The following ANKIB1 variants were observed in gnomAD, a reference collection of about 807,000 sequenced individuals.
The protein encoded by ANKIB1 is ankyrin repeat and IBR domain-containing protein 1.
A neutral mutation model predicts 122.1 loss-of-function variants in ANKIB1; 43 were observed. That is an observed-to-expected ratio of 0.35 (90% confidence interval 0.28 to 0.45). The LOEUF (loss-of-function observed/expected upper bound fraction) is 0.45, where lower values mean the gene tolerates loss of function less well. Among genes scored for constraint, ANKIB1 ranks in the 20% least tolerant of loss-of-function variants. The pLI is 1.00. For synonymous variants in ANKIB1, 390 were observed against 442.0 expected (o/e 0.88, Z 1.48); for missense variants, 992 against 1,329.5 (o/e 0.75, Z 3.95).
chr7:92,397,626 A>G, intron 18 of ANKIB1, 97 bp from the exon 19 acceptor site: 1 of 1,378,258 alleles, frequency 7.3e-7, no homozygotes, highest in Non-Finnish European at 1.0e-6. Flanking sequence ...CCAGCACTGA[A>G]AGAGAAATTG....
intron 11 of ANKIB1, among the ~76,000 whole-genome samples, chr7:92,380,427 T>G (rs1379131070): frequency 6.6e-6 from 1 of 152,154 alleles, no homozygotes; most frequent in African/African-American, 2.4e-5. Flanking sequence ...ACAGACCACC[T>G]CCTCAAGTGG....
chr7:92,324,925 G>A (rs189800142), intron 4 of ANKIB1, among the ~76,000 whole-genome samples: 6 of 152,174 alleles, frequency 3.9e-5, no homozygotes, highest in African/African-American at 7.2e-5. Flanking sequence ...AGGTGTTTAC[G>A]TTCCAACAGG....
chr7:92,307,227 C>T, intron 2 of ANKIB1, 132 bp from the exon 3 acceptor site: 1 of 872,948 alleles, frequency 1.1e-6, no homozygotes, highest in South Asian at 1.9e-5. Context: ...TGTTGTAAAC[C>T]AGACCCTCAG....
chr7:92,355,242 A>G (rs1047299595), intron 9 of ANKIB1, among the ~76,000 whole-genome samples: 2 of 149,836 alleles, frequency 1.3e-5, no homozygotes, highest in Non-Finnish European at 3.0e-5. Flanking sequence ...GACTTAAACC[A>G]ATGACTTTTC....
chr7:92,329,440 A>G (rs916090574), intron 5 of ANKIB1, among the ~76,000 whole-genome samples: 17 of 152,214 alleles, frequency 1.1e-4, no homozygotes, highest in African/African-American at 3.9e-4. Context: ...GCCCAAAAAT[A>G]TGTGTTGTGA....
chr7:92,274,493 A>G (rs540419624), intron 1 of ANKIB1, among the ~76,000 whole-genome samples: 1 of 152,272 alleles, frequency 6.6e-6, no homozygotes, highest in East Asian at 1.9e-4. Flanking sequence ...TGCATTTTAG[A>G]TGCATAAGGA....
chr7:92,341,946 G>A (rs963103592), intron 5 of ANKIB1, among the ~76,000 whole-genome samples: 9 of 151,640 alleles, frequency 5.9e-5, no homozygotes, highest in Admixed American at 2.6e-4. Flanking sequence ...ATTTATATAC[G>A]TACTTGTTTA....
At chr7:92,384,740 A>T (rs545203134) in intron 11 of ANKIB1, among the ~76,000 whole-genome samples, 14,234 of 151,730 alleles carry the variant, frequency 0.094, 871 homozygotes, top group East Asian at 0.35. Context: ...TTAATTCACG[A>T]TGCATTAAAG....
chr7:92,319,549 T>G (rs1425816649), intron 4 of ANKIB1, 37 bp downstream of exon 4: 3 of 1,569,242 alleles, frequency 1.9e-6, no homozygotes, highest in Non-Finnish European at 1.7e-6. Flanking sequence ...AAAAATTACA[T>G]GTAATTTTAG....
At chr7:92,373,537 T>C (rs1421735774) in intron 11 of ANKIB1, among the ~76,000 whole-genome samples, 1 of 152,178 alleles carries the variant, frequency 6.6e-6, no homozygotes, top group Admixed American at 6.5e-5. Context: ...GTTGTATTTA[T>C]TATACCATCT....
rs574001363 is a variant in ANKIB1 at position 92,331,578 on chromosome 7, A to G, written c.787+3678A>G. ...CATGAGCCACCATGCCTGGCCAACA[A>G]CATCACTTCTGAGGTTGTCCTGGGG... is the stretch of plus-strand genomic sequence containing the variant. On this transcript the variant is annotated intron_variant, in intron 5 of 19. Coordinates refer to ENST00000265742, the MANE Select transcript of ANKIB1 (RefSeq NM_019004.2). 4.4e-3 allele frequency among the ~76,000 whole-genome samples: 672 copies of G among 152,278 alleles called. 1 individual carries two copies. The highest frequency in any genetic ancestry group is 7.7e-3 in the Non-Finnish European group (523 of 68,022).
rs761977454 is a variant in ANKIB1 at position 92,246,442 on chromosome 7, G to T, written c.-168G>T. 8 of 517,814 alleles carry T rather than the reference G, an allele frequency of 1.5e-5. No individual in the cohort carries two copies. The highest frequency in any genetic ancestry group is 1.5e-4 in the African/African-American group (8 of 51,948). 32.1% of individuals were successfully genotyped at this position (517,814 alleles called of 1,614,324 possible). A position where few individuals can be genotyped will look rare whatever the true frequency, so the allele number is the denominator to read the frequency against. On this transcript the variant is annotated 5_prime_UTR_variant, in exon 1 of 20. Coordinates refer to ENST00000265742, the MANE Select transcript of ANKIB1 (RefSeq NM_019004.2). Reference sequence around the variant, plus strand: ...GGTACCTGAGGTCACCAGCTCGGCTGTAGAGGCAGGGGCGGCGGAGGCGGA... The same window carrying T: ...GGTACCTGAGGTCACCAGCTCGGCTTTAGAGGCAGGGGCGGCGGAGGCGGA...
intron 1 of ANKIB1, among the ~76,000 whole-genome samples, chr7:92,266,246 T>C (rs770657717): frequency 2.6e-5 from 4 of 152,204 alleles, no homozygotes; most frequent in Admixed American, 6.5e-5. Context: ...GAAAATATAC[T>C]GGATTCTGTG....
intron 2 of ANKIB1, among the ~76,000 whole-genome samples, chr7:92,299,646 G>A (rs1178868989): frequency 2.0e-5 from 3 of 152,220 alleles, no homozygotes; most frequent in East Asian, 3.9e-4. Context: ...CATTAGACTA[G>A]ACATTAAAAG....
chr7:92,350,920 C>T (rs1360109978), intron 7 of ANKIB1, 30 bp from the exon 8 acceptor site: 3 of 1,564,628 alleles, frequency 1.9e-6, no homozygotes, highest in African/African-American at 1.4e-5. Flanking sequence ...TATCCTTGCT[C>T]GTTTGATGTG....
chr7:92,336,646 A>G (rs1261965219), intron 5 of ANKIB1, among the ~76,000 whole-genome samples: 2 of 152,072 alleles, frequency 1.3e-5, no homozygotes, highest in Non-Finnish European at 2.9e-5. Flanking sequence ...TTTCTAGGAT[A>G]TCCTCCCTCA....
chr7:92,336,512 T>A (rs1311519128), intron 5 of ANKIB1, among the ~76,000 whole-genome samples: 1 of 152,168 alleles, frequency 6.6e-6, no homozygotes, highest in Non-Finnish European at 1.5e-5. Flanking sequence ...TTTTTCCACA[T>A]GTCTAGTAAT....
chr7:92,325,600 T>TA (rs1404201342), intron 4 of ANKIB1, among the ~76,000 whole-genome samples: 1 of 152,144 alleles, frequency 6.6e-6, no homozygotes, highest in East Asian at 1.9e-4. Context: ...TTTTAACAGT[T>TA]ACAGTTACTT....
At chr7:92,320,734 C>A (rs1229581506) in intron 4 of ANKIB1, among the ~76,000 whole-genome samples, 1 of 152,160 alleles carries the variant, frequency 6.6e-6, no homozygotes, top group Non-Finnish European at 1.5e-5. Flanking sequence ...GTAATAGTTT[C>A]CTTACTGGTC....
Sources: allele counts gnomAD v4.1 joint callset (sites outside exome capture counted in the v4.1 genomes callset), GRCh38; gene constraint gnomAD v4.1.1; transcripts MANE v1.5; gene names NCBI Gene and HGNC (gene_info 2026-07-23, HGNC 2026-07-21).